ADAMTSL1: variants seen among roughly 807,000 people sequenced by gnomAD.
ADAMTSL1 encodes ADAMTS-like protein 1.
ADAMTSL1 carries 126 observed loss-of-function variants against 201.8 expected under a neutral mutation model. The observed-to-expected ratio is 0.62, with a 90% CI of 0.54 to 0.72. The LOEUF (loss-of-function observed/expected upper bound fraction) is 0.72. Among genes scored for constraint, ADAMTSL1 ranks in the 30% least tolerant of loss-of-function variants. The pLI is 0.00. For synonymous variants in ADAMTSL1, 1,121 were observed against 903.4 expected (o/e 1.24, Z -4.32); for missense variants, 2,679 against 2,277.8 (o/e 1.18, Z -3.59).
At chr9:18,870,839 C>CAGGA (rs1432643277) in intron 23 of ADAMTSL1, among the ~76,000 whole-genome samples, 4 of 152,104 alleles carry the variant, frequency 2.6e-5, no homozygotes, top group Non-Finnish European at 5.9e-5. Context: ...TTGCTATCTG[C>CAGGA]AGGAAGGTAA....
At chr9:18,646,873 G>A (rs948229389) in intron 7 of ADAMTSL1, among the ~76,000 whole-genome samples, 6 of 151,920 alleles carry the variant, frequency 3.9e-5, no homozygotes, top group Admixed American at 6.6e-5. Context: ...GTCTCTGCCC[G>A]GCTTTGGTAT....
intron 4 of ADAMTSL1, among the ~76,000 whole-genome samples, chr9:18,580,789 G>A (rs1301587103): frequency 6.6e-6 from 1 of 152,066 alleles, no homozygotes; most frequent in Non-Finnish European, 1.5e-5. Context: ...ATACATTAAT[G>A]GACAAGAAGG....
chr9:18,138,411 C>A lies in ADAMTSL1; in HGVS notation c.88-25451C>A, dbSNP rs114949735. On this transcript the variant is annotated intron_variant, in intron 1 of 29. Coordinates refer to the ADAMTSL1 transcript ENST00000680146. The stretch of plus-strand genomic sequence containing the variant: ...AAGGATTTTAAGGCAGAGTATGCTA[C>A]TTTTAGGGAGTAACGAACTTGAGGA... Among the ~76,000 whole-genome samples, 700 of 152,168 alleles carry A rather than the reference C, an allele frequency of 4.6e-3. 5 individuals carry two copies. The highest frequency in any genetic ancestry group is 0.016 in the African/African-American group (668 of 41,518).
At chr9:18,833,831 T>G (rs894987813) in intron 23 of ADAMTSL1, among the ~76,000 whole-genome samples, 2 of 152,218 alleles carry the variant, frequency 1.3e-5, no homozygotes, top group Admixed American at 6.5e-5. Flanking sequence ...GGTTTTACAT[T>G]TAAGTCTTCA....
At chr9:18,428,441 A>AC (rs1336809556) in intron 2 of ADAMTSL1, among the ~76,000 whole-genome samples, 1 of 150,238 alleles carries the variant, frequency 6.7e-6, no homozygotes, top group Admixed American at 6.6e-5. Flanking sequence ...CTACAAAAAA[A>AC]AAAAAAAAAG....
intron 1 of ADAMTSL1, among the ~76,000 whole-genome samples, chr9:17,916,102 A>T: frequency 6.6e-6 from 1 of 152,104 alleles, no homozygotes. Flanking sequence ...TTGTACTTTT[A>T]GTGGAGACAC....
intron 1 of ADAMTSL1, among the ~76,000 whole-genome samples, chr9:17,979,323 G>A (rs887426318): frequency 6.6e-6 from 1 of 151,536 alleles, no homozygotes; most frequent in Non-Finnish European, 1.5e-5. Context: ...TCTTTTGATG[G>A]TACCTTATAA....
At chr9:18,687,369 A>G (rs1830901534) in intron 13 of ADAMTSL1, among the ~76,000 whole-genome samples, 1 of 152,222 alleles carries the variant, frequency 6.6e-6, no homozygotes, top group Non-Finnish European at 1.5e-5. Context: ...CATATTGAAA[A>G]AATGATCAAC....
chr9:18,476,465 A>G (rs1176109206), intron 1 of ADAMTSL1, among the ~76,000 whole-genome samples: 1 of 152,124 alleles, frequency 6.6e-6, no homozygotes, highest in Admixed American at 6.5e-5. Flanking sequence ...CATCATCTTG[A>G]TCATTAAAGA....
At chr9:17,986,262 C>CT in intron 1 of ADAMTSL1, among the ~76,000 whole-genome samples, 1 of 152,064 alleles carries the variant, frequency 6.6e-6, no homozygotes, top group Non-Finnish European at 1.5e-5. Flanking sequence ...ACCCATGTTT[C>CT]TTTAACAGCC....
At chr9:18,083,670 A>T (rs7030336) in intron 1 of ADAMTSL1, among the ~76,000 whole-genome samples, 1 of 152,182 alleles carries the variant, frequency 6.6e-6, no homozygotes, top group Non-Finnish European at 1.5e-5. Context: ...GCTCTTTATG[A>T]GGAACAATTT....
chr9:18,148,076 A>G (rs1298232293), intron 1 of ADAMTSL1, among the ~76,000 whole-genome samples: 1 of 152,120 alleles, frequency 6.6e-6, no homozygotes, highest in Non-Finnish European at 1.5e-5. Context: ...TGTTGAAATG[A>G]CCAAATCTGC....
At chr9:18,130,440 AT>A (rs1258989396) in intron 1 of ADAMTSL1, among the ~76,000 whole-genome samples, 1 of 152,168 alleles carries the variant, frequency 6.6e-6, no homozygotes, top group Non-Finnish European at 1.5e-5. Context: ...TCACAATGAC[AT>A]TTCTGATGAA....
chr9:18,268,714 T>C (rs1832236596), intron 2 of ADAMTSL1, among the ~76,000 whole-genome samples: 3 of 152,190 alleles, frequency 2.0e-5, no homozygotes, highest in Admixed American at 2.0e-4. Flanking sequence ...ATTCTCAGTG[T>C]GGACTTTAAA....
At chr9:18,872,148 C>T (rs1827903950) in intron 23 of ADAMTSL1, among the ~76,000 whole-genome samples, 1 of 114,334 alleles carries the variant, frequency 8.7e-6, no homozygotes, top group Non-Finnish European at 1.8e-5. Context: ...TGTATCATTC[C>T]TAAATAACCT....
At chr9:18,268,311 T>C (rs1450497564) in intron 2 of ADAMTSL1, among the ~76,000 whole-genome samples, 2 of 152,184 alleles carry the variant, frequency 1.3e-5, no homozygotes, top group Non-Finnish European at 2.9e-5. Flanking sequence ...TTGGGGCATA[T>C]TGGTTCCCAA....
intron 20 of ADAMTSL1, among the ~76,000 whole-genome samples, chr9:18,812,155 C>T (rs1823544686): frequency 1.3e-5 from 2 of 152,134 alleles, no homozygotes; most frequent in South Asian, 4.1e-4. Flanking sequence ...CAGGAGTAAT[C>T]AGCCAACCTA....
intron 1 of ADAMTSL1, among the ~76,000 whole-genome samples, chr9:18,104,973 A>G (rs1024917926): frequency 6.6e-6 from 1 of 152,160 alleles, no homozygotes; most frequent in Non-Finnish European, 1.5e-5. Context: ...CTCAGCAACT[A>G]TATCCCTAAA....
intron 23 of ADAMTSL1, among the ~76,000 whole-genome samples, chr9:18,847,208 G>T (rs1366890719): frequency 6.6e-6 from 1 of 152,128 alleles, no homozygotes; most frequent in Non-Finnish European, 1.5e-5. Context: ...AAATCAAAAG[G>T]AACAGGAGTG....
Sources: gnomAD v4.1 joint callset for allele counts (sites outside exome capture counted in the v4.1 genomes callset) on GRCh38, gnomAD v4.1.1 for gene constraint, MANE v1.5 for transcripts, NCBI Gene and HGNC (gene_info 2026-07-23, HGNC 2026-07-21) for gene names.